The following UBFD1 variants were observed in gnomAD, a reference collection of about 807,000 sequenced individuals.
UBFD1 encodes the protein ubiquitin domain-containing protein UBFD1.
UBFD1 carries 12 observed loss-of-function variants against 35.1 expected under a neutral mutation model. That is an observed-to-expected ratio of 0.34 (90% CI 0.22 to 0.55). UBFD1 has a LOEUF of 0.55. Among genes scored for constraint, UBFD1 ranks in the 20% least tolerant of loss-of-function variants. The pLI, the probability that UBFD1 is intolerant of heterozygous loss-of-function variation, is 0.89. For synonymous variants in UBFD1, 178 were observed against 167.6 expected (o/e 1.06, Z -0.48); for missense variants, 337 against 410.8 (o/e 0.82, Z 1.55).
chr16:23,566,734 G>A (rs1966016690), intron 5 of UBFD1: 1 of 381,508 alleles, frequency 2.6e-6, no homozygotes, highest in Admixed American at 4.2e-5. Flanking sequence ...ATACAATTCT[G>A]CCCTCAGAGA....
intron 6 of UBFD1, 120 bp from the exon 7 acceptor site, chr16:23,570,360 T>G: frequency 1.3e-6 from 1 of 752,810 alleles, no homozygotes; most frequent in Non-Finnish European, 2.2e-6. Flanking sequence ...CGTGCAAAGT[T>G]TTGTTTGGTT....
chr16:23,573,021 T>TC lies in UBFD1; in HGVS notation c.*2433dup, dbSNP rs1312432110. ...AGTATTCACTGTTTAGTCTTTGAGT[T>TC]CCGTAAGCAGTCTCTTCATACATTT... On this transcript the variant is annotated 3_prime_UTR_variant, in exon 7 of 7. Coordinates refer to ENST00000395878, the MANE Select transcript of UBFD1 (RefSeq NM_019116.3). 6.6e-6 allele frequency: 1 copy of TC among 152,256 alleles called. No homozygotes were observed. The highest frequency in any genetic ancestry group is 1.5e-5 in the Non-Finnish European group (1 of 68,048). The allele number at this position is 152,256 out of a possible 1,614,324, so 9.4% of individuals were successfully genotyped here.
In UBFD1 at chr16:23,559,671, C is replaced by G. The variant is rs1271648165; in HGVS notation, c.559C>G (p.Gln187Glu). 1.7e-5 allele frequency: 27 copies of G among 1,614,084 alleles called. No individual in the cohort carries two copies. The highest frequency in any genetic ancestry group is 2.3e-5 in the Non-Finnish European group (27 of 1,180,022). Residue 187 changes from glutamine (Q) to glutamate (E), a missense_variant, in exon 3 of 7, where the codon CAG becomes GAG. Transcript: ENST00000395878. ...EENKKEPLCR[Q>E]KQHRKVLDKG... ...GAACAAGAAGGAGCCTCTCTGCAGGCAGAAAGTGAGTCCATCTTGTGCTTC... is the reference window on the plus strand; with the variant it reads ...GAACAAGAAGGAGCCTCTCTGCAGGGAGAAAGTGAGTCCATCTTGTGCTTC...
At chr16:23,562,801 G>A in intron 5 of UBFD1, 71 bp downstream of exon 5, 31 of 1,333,964 alleles carry the variant, frequency 2.3e-5, no homozygotes, top group Non-Finnish European at 3.2e-5. Flanking sequence ...ACATTTTAGA[G>A]TGCGATTTCA....
intron 5 of UBFD1, among the ~76,000 whole-genome samples, chr16:23,563,377 G>A (rs1021705702): frequency 1.3e-5 from 2 of 150,784 alleles, no homozygotes; most frequent in African/African-American, 4.9e-5. Context: ...GCCTGTGCAC[G>A]GTGTCTGGAT....
At chr16:23,558,598 C>T (rs1213476346) in intron 2 of UBFD1, among the ~76,000 whole-genome samples, 1 of 152,146 alleles carries the variant, frequency 6.6e-6, no homozygotes, top group Non-Finnish European at 1.5e-5. Context: ...CCAGGAGATT[C>T]TGATTCAGTG....
intron 6 of UBFD1, among the ~76,000 whole-genome samples, chr16:23,567,978 T>C (rs1182209500): frequency 1.3e-5 from 2 of 152,192 alleles, no homozygotes; most frequent in Admixed American, 1.3e-4. Flanking sequence ...TAGAAAAAAA[T>C]CAAAGGGGCT....
chr16:23,570,420 C>A, intron 6 of UBFD1, 60 bp from the exon 7 acceptor site: 2 of 1,263,360 alleles, frequency 1.6e-6, no homozygotes, highest in South Asian at 1.2e-5. Context: ...CCATGTTTGT[C>A]CTGCCTGCTT....
chr16:23,561,058 G>C (rs1965925807), intron 3 of UBFD1, among the ~76,000 whole-genome samples: 1 of 152,200 alleles, frequency 6.6e-6, no homozygotes, highest in Admixed American at 6.5e-5. Flanking sequence ...AGGAAATCTT[G>C]TTCAAAAGGT....
At chr16:23,570,079 G>A (rs1365207469) in intron 6 of UBFD1, among the ~76,000 whole-genome samples, 1 of 152,210 alleles carries the variant, frequency 6.6e-6, no homozygotes, top group Non-Finnish European at 1.5e-5. Context: ...TCTTGAGCAT[G>A]TGTGACAGGT....
intron 2 of UBFD1, among the ~76,000 whole-genome samples, chr16:23,558,588 C>T (rs935512645): frequency 2.6e-5 from 4 of 152,134 alleles, no homozygotes; most frequent in African/African-American, 7.2e-5. Context: ...GGGCCCTTTC[C>T]CAGGAGATTC....
intron 6 of UBFD1, among the ~76,000 whole-genome samples, chr16:23,568,411 G>A (rs190513367): frequency 1.3e-5 from 2 of 151,100 alleles, no homozygotes; most frequent in African/African-American, 4.9e-5. Flanking sequence ...GCCCACCTCA[G>A]CCTCCCAAAG....
At chr16:23,567,619 T>C (rs1966029403) in intron 6 of UBFD1, among the ~76,000 whole-genome samples, 1 of 152,196 alleles carries the variant, frequency 6.6e-6, no homozygotes, top group Non-Finnish European at 1.5e-5. Context: ...CAAGACAGAA[T>C]GTTTGGAGGT....
intron 6 of UBFD1, chr16:23,568,857 C>CAGTTGGACTTGAATG (rs954377498): frequency 1.3e-5 from 2 of 151,910 alleles, no homozygotes; most frequent in Admixed American, 1.3e-4. Context: ...CAAAAAAAAA[C>CAGTTGGACTTGAATG]AGTTGGACTT....
rs891263789 is a variant in UBFD1 at position 23,562,547 on chromosome 16, C to T, written c.631-78C>T. 1.5e-5 allele frequency: 20 copies of T among 1,347,326 alleles called. 1 individual carries two copies. Among genetic ancestry groups the T allele is most frequent in the African/African-American group, 1.0e-4 (7 of 69,394 alleles). The allele number at this position is 1,347,326 out of a possible 1,614,324, so 83.5% of individuals were successfully genotyped here. A position where few individuals can be genotyped will look rare whatever the true frequency, so the allele number is the denominator to read the frequency against. The stretch of plus-strand genomic sequence containing the variant: ...CCTCCCAGTGTGCTGGGATTACAGG[C>T]GTGAGCCACCGCGCTTGGCCCCCTT... On this transcript the variant is annotated intron_variant, in intron 4 of 6. Transcript: ENST00000395878.
rs1465582240 is a variant in UBFD1, at chr16:23,574,105, G to C, written c.*3515G>C. 1 of 152,588 alleles carries C rather than the reference G, an allele frequency of 6.6e-6. No homozygotes were observed. The highest frequency in any genetic ancestry group is 1.5e-5 in the Non-Finnish European group (1 of 68,048). 9.5% of individuals were successfully genotyped at this position (152,588 alleles called of 1,614,324 possible). The stretch of plus-strand genomic sequence containing the variant: ...TGCAGAACATCTGGTAGATTGATCT[G>C]CCAGGCTGGGTGGTTCTACTGCTTT... On this transcript the variant is annotated 3_prime_UTR_variant, in exon 7 of 7. Transcript: ENST00000395878.
In UBFD1 at chr16:23,562,240, A is replaced by C. The variant is rs757116479; in HGVS notation, c.599A>C (p.Glu200Ala). The C allele has an allele frequency of 3.7e-6, 6 of 1,614,138 alleles. No individual in the cohort carries two copies. The highest frequency in any genetic ancestry group is 5.1e-6 in the Non-Finnish European group (6 of 1,179,998). The change falls in exon 4 of 7, where the codon GAA (glutamate) becomes GCA (alanine). Residue 200 changes from glutamate to alanine, a missense_variant. Physicochemically the swap from Glu to Ala is moderately radical, Grantham distance 107 (BLOSUM62 -1). This residue lies in a region of UBFD1 where 71 missense variants were observed against 149.6 expected (regional missense o/e 0.47). Transcript: ENST00000395878. ...HRKVLDKGKP[E>A]DVMPSVKGAQ... ...AAAGTGTTGGATAAAGGAAAACCTG[A>C]AGATGTGATGCCATCTGTTAAGGGG...
chr16:23,573,301 T>C lies in UBFD1; in HGVS notation c.*2711T>C, dbSNP rs1169675920. The C allele has an allele frequency of 6.6e-6, 1 of 152,202 alleles. No individual in the cohort carries two copies. The highest frequency in any genetic ancestry group is 1.5e-5 in the Non-Finnish European group (1 of 68,032). 9.4% of individuals were successfully genotyped at this position (152,202 alleles called of 1,614,324 possible). A position where few individuals can be genotyped will look rare whatever the true frequency, so the allele number is the denominator to read the frequency against. On this transcript the variant is annotated 3_prime_UTR_variant, in exon 7 of 7. Coordinates refer to ENST00000395878, the MANE Select transcript of UBFD1 (RefSeq NM_019116.3). Reference sequence around the variant, plus strand: ...GGAGGGGGTGGCCGTCTCTTAGACATTGGACACCTCTCAGAGCCTCCTGAG... The same window carrying C: ...GGAGGGGGTGGCCGTCTCTTAGACACTGGACACCTCTCAGAGCCTCCTGAG...
intron 5 of UBFD1, chr16:23,566,373 T>C (rs1397047115): frequency 6.6e-6 from 1 of 152,120 alleles, no homozygotes; most frequent in Admixed American, 6.6e-5. Context: ...TATATTTTTT[T>C]TTGTTGAGAT....
Sources: allele counts gnomAD v4.1 joint callset (sites outside exome capture counted in the v4.1 genomes callset), GRCh38; gene constraint gnomAD v4.1.1; regional missense constraint gnomAD v4.1.1; transcripts MANE v1.5; gene names NCBI Gene and HGNC (gene_info 2026-07-23, HGNC 2026-07-21).